The following DCUN1D1 variants were observed in gnomAD, a reference collection of about 807,000 sequenced individuals.
The protein encoded by DCUN1D1 is defective in cullin neddylation 1 domain containing 1, also known as DCN1-like protein 1.
A neutral mutation model predicts 39.0 loss-of-function variants in DCUN1D1; 3 were observed. The ratio of observed to expected loss-of-function variants is 0.08; its 90% CI spans 0.04 to 0.20. The LOEUF (loss-of-function observed/expected upper bound fraction) is 0.20. DCUN1D1 is among the 10% of genes least tolerant of loss of function. DCUN1D1 has a pLI of 1.00. For synonymous variants in DCUN1D1, 82 were observed against 96.3 expected (o/e 0.85, Z 0.87); for missense variants, 158 against 302.4 (o/e 0.52, Z 3.54).
At chr3:182,977,241 C>G (rs1728281664) in intron 1 of DCUN1D1, among the ~76,000 whole-genome samples, 1 of 152,172 alleles carries the variant, frequency 6.6e-6, no homozygotes, top group South Asian at 2.1e-4. Context: ...CTCAAAACCT[C>G]CTTGATATTC....
rs1226129848 is a variant in DCUN1D1, at chr3:182,939,295, T to C, written c.*5799A>G. Reference sequence around the variant, plus strand: ...AGAAGTACAGCCACTTTGGAAAAAGTTCAGCAGTTTTTTTAAAAACGTTAG... The same window carrying C: ...AGAAGTACAGCCACTTTGGAAAAAGCTCAGCAGTTTTTTTAAAAACGTTAG... On this transcript the variant is annotated 3_prime_UTR_variant, in exon 7 of 7. Transcript: ENST00000292782. 4 of 152,198 alleles carry C rather than the reference T, an allele frequency of 2.6e-5. No individual in the cohort carries two copies. Among genetic ancestry groups the C allele is most frequent in the Admixed American group, 2.0e-4 (3 of 15,274 alleles). 9.4% of individuals were successfully genotyped at this position (152,198 alleles called of 1,614,324 possible).
chr3:182,981,134 T>G (rs1728533465), upstream of DCUN1D1, among the ~76,000 whole-genome samples: 3 of 151,988 alleles, frequency 2.0e-5, no homozygotes, highest in Admixed American at 1.3e-4. Flanking sequence ...CTGCGGTGGC[T>G]GTCACTCCAT....
At chr3:182,957,568 G>A (rs983654657) in intron 4 of DCUN1D1, among the ~76,000 whole-genome samples, 9 of 152,104 alleles carry the variant, frequency 5.9e-5, no homozygotes, top group African/African-American at 2.2e-4. Context: ...TGAGACTGCA[G>A]TGAGCTACGA....
At position 182,944,012 on chromosome 3, in the gene DCUN1D1, A is replaced by T. The variant is rs2108618017; in HGVS notation, c.*1082T>A. 6.5e-6 allele frequency: 1 copy of T among 152,766 alleles called. No homozygotes were observed. Among genetic ancestry groups the T allele is most frequent in the East Asian group, 1.9e-4 (1 of 5,192 alleles). 9.5% of individuals were successfully genotyped at this position (152,766 alleles called of 1,614,324 possible). ...CAAAATAATAAGTCATCGAAAATGG[A>T]CTATTTGTCTGAAAGAGCAGTACCT... On this transcript the variant is annotated 3_prime_UTR_variant, in exon 7 of 7. Coordinates refer to ENST00000292782, the MANE Select transcript of DCUN1D1 (RefSeq NM_020640.4).
intron 1 of DCUN1D1, among the ~76,000 whole-genome samples, chr3:182,975,953 T>G (rs562397931): frequency 2.1e-4 from 32 of 152,000 alleles, no homozygotes; most frequent in Non-Finnish European, 4.1e-4. Context: ...AGAGTGTACC[T>G]TCTCGATAAA....
intron 1 of DCUN1D1, among the ~76,000 whole-genome samples, chr3:182,972,949 G>A (rs1007955664): frequency 6.6e-6 from 1 of 152,152 alleles, no homozygotes; most frequent in African/African-American, 2.4e-5. Context: ...GGCTGAGGCA[G>A]GAAAATTGCT....
chr3:182,949,803 G>C (rs1442127474), intron 4 of DCUN1D1, among the ~76,000 whole-genome samples: 1 of 152,136 alleles, frequency 6.6e-6, no homozygotes. Context: ...CTGCAAGACT[G>C]ACCCTTAACT....
rs2108613436 is a variant in DCUN1D1, at chr3:182,940,189, G to T, written c.*4905C>A. 6.6e-6 allele frequency: 1 copy of T among 152,158 alleles called. No individual in the cohort carries two copies. Among genetic ancestry groups the T allele is most frequent in the East Asian group, 1.9e-4 (1 of 5,182 alleles). 9.4% of individuals were successfully genotyped at this position (152,158 alleles called of 1,614,324 possible). ...GTATTTCTTTTTGTAAAAATCTCTT[G>T]CTTCGTATTGGGTATTGCCCAAGTT... On this transcript the variant is annotated 3_prime_UTR_variant, in exon 7 of 7. Coordinates refer to ENST00000292782, the MANE Select transcript of DCUN1D1 (RefSeq NM_020640.4).
At chr3:182,973,526 T>C (rs4859149) in intron 1 of DCUN1D1, among the ~76,000 whole-genome samples, 73,807 of 152,094 alleles carry the variant, frequency 0.49, 22,315 homozygotes, top group Non-Finnish European at 0.67. Context: ...AATTCAGAAG[T>C]GGCCGGGCGC....
rs539300130 is a variant in DCUN1D1, at chr3:182,961,894, G to A, written c.390-538C>T. ...CTCAAATTAATATTAAGCTTTTTCT[G>A]TATGTGCAAAACATTCAACTTTCGA... On this transcript the variant is annotated intron_variant, in intron 3 of 6. Coordinates refer to ENST00000292782, the MANE Select transcript of DCUN1D1 (RefSeq NM_020640.4). Among the ~76,000 whole-genome samples, 3 of 152,276 alleles carry A rather than the reference G, an allele frequency of 2.0e-5. No homozygotes were observed. The South Asian group carries it at 6.2e-4, about 32-fold the overall frequency.
At chr3:182,973,379 A>G (rs1157706000) in intron 1 of DCUN1D1, among the ~76,000 whole-genome samples, 1 of 152,226 alleles carries the variant, frequency 6.6e-6, no homozygotes, top group Non-Finnish European at 1.5e-5. Context: ...TCACCAGTTG[A>G]TTGCGGGTAA....
At chr3:182,984,507 A>G (rs1728663910), upstream of DCUN1D1, among the ~76,000 whole-genome samples, 1 of 152,110 alleles carries the variant, frequency 6.6e-6, no homozygotes, top group South Asian at 2.1e-4. Flanking sequence ...ACTATTTTCC[A>G]TAGCAACAAT....
chr3:182,976,444 T>TATAC (rs1553845675), intron 1 of DCUN1D1, among the ~76,000 whole-genome samples: 1 of 140,684 alleles, frequency 7.1e-6, no homozygotes, highest in Non-Finnish European at 1.5e-5. Context: ...TATACATACA[T>TATAC]ACACACACAC....
intron 3 of DCUN1D1, among the ~76,000 whole-genome samples, chr3:182,962,732 A>G (rs1256335083): frequency 1.3e-5 from 2 of 152,176 alleles, no homozygotes; most frequent in Non-Finnish European, 2.9e-5. Flanking sequence ...GACAGAGTAA[A>G]GCAAGTCTTT....
At chr3:182,970,386 C>A (rs1727873925) in intron 1 of DCUN1D1, among the ~76,000 whole-genome samples, 1 of 152,064 alleles carries the variant, frequency 6.6e-6, no homozygotes, top group Admixed American at 6.5e-5. Flanking sequence ...GAAAAATAAA[C>A]ATGGAAAATG....
chr3:182,965,307 C>T (rs1238630943), intron 2 of DCUN1D1, among the ~76,000 whole-genome samples: 1 of 152,188 alleles, frequency 6.6e-6, no homozygotes, highest in Non-Finnish European at 1.5e-5. Flanking sequence ...AGTTCCCCAT[C>T]CCCATTCTCA....
At position 182,965,458 on chromosome 3, in the gene DCUN1D1, T is replaced by C. The variant is rs139913704; in HGVS notation, c.220+79A>G. On this transcript the variant is annotated intron_variant, in intron 2 of 6. Transcript: ENST00000292782. ...ACATCCACCCAATTTAAGTTATATA[T>C]AGTATTTCATTTCTCATAAGCCCAT... is the stretch of plus-strand genomic sequence containing the variant. 1.2e-4 allele frequency: 106 copies of C among 850,162 alleles called. No individual in the cohort carries two copies. The African/African-American group carries it at 1.6e-3, about 13-fold the overall frequency. The allele number at this position is 850,162 out of a possible 1,614,324, so 52.7% of individuals were successfully genotyped here. A position where few individuals can be genotyped will look rare whatever the true frequency, so the allele number is the denominator to read the frequency against.
At chr3:182,963,530 A>G (rs553671146) in intron 3 of DCUN1D1, among the ~76,000 whole-genome samples, 79 of 152,336 alleles carry the variant, frequency 5.2e-4, no homozygotes, top group African/African-American at 1.9e-3. Flanking sequence ...TCCAGTTTTT[A>G]AATTCTAGGA....
rs1391327501 is a variant in DCUN1D1 at position 182,956,282 on chromosome 3, G to C, written c.520+4944C>G. On this transcript the variant is annotated intron_variant, in intron 4 of 6. Transcript: ENST00000292782. ...CTGGTGCTTCTGAGGCCTGGAATGA[G>C]GCACGTTGCCTTTCTGGGAGCTCAT... 1.1e-5 allele frequency: 3 copies of C among 280,736 alleles called. No homozygotes were observed. In the East Asian group the frequency reaches 2.8e-4, roughly 26 times the overall value. 17.4% of individuals were successfully genotyped at this position (280,736 alleles called of 1,614,324 possible). A position where few individuals can be genotyped will look rare whatever the true frequency, so the allele number is the denominator to read the frequency against.
Sources: allele counts gnomAD v4.1 joint callset (sites outside exome capture counted in the v4.1 genomes callset), GRCh38; gene constraint gnomAD v4.1.1; transcripts MANE v1.5; gene names NCBI Gene and HGNC (gene_info 2026-07-23, HGNC 2026-07-21).